The following ST18 variants were observed in gnomAD, a reference collection of about 807,000 sequenced individuals.
ST18 encodes suppression of tumorigenicity 18 protein.
Under a neutral mutation model 110.0 loss-of-function variants are expected in ST18, and 50 were observed. The observed-to-expected ratio is 0.45, with a 90% CI of 0.36 to 0.58. The LOEUF is 0.58. Ranked by LOEUF, ST18 falls within the 20% of genes least tolerant of loss-of-function variation. The pLI, the probability that ST18 is intolerant of heterozygous loss-of-function variation, is 0.00. For synonymous variants in ST18, 461 were observed against 452.4 expected (o/e 1.02, Z -0.24); for missense variants, 1,306 against 1,280.1 (o/e 1.02, Z -0.31).
intron 24 of ST18, among the ~76,000 whole-genome samples, chr8:52,117,028 T>G (rs1185967000): frequency 6.6e-6 from 1 of 152,214 alleles, no homozygotes; most frequent in Non-Finnish European, 1.5e-5. Context: ...ATTATGTTAC[T>G]CGTTAGCTCA....
intron 24 of ST18, among the ~76,000 whole-genome samples, 200 bp from the exon 25 acceptor site, chr8:52,116,618 G>A (rs766207986): frequency 5.3e-5 from 8 of 152,166 alleles, no homozygotes; most frequent in Non-Finnish European, 5.9e-5. Context: ...TTCATCTTCA[G>A]CCCAGACTTC....
intron 2 of ST18, among the ~76,000 whole-genome samples, chr8:52,379,546 T>G (rs1415124997): frequency 6.6e-6 from 1 of 152,056 alleles, no homozygotes; most frequent in East Asian, 1.9e-4. Context: ...TACACAATTT[T>G]GGGGACTTTT....
chr8:52,157,304 C>T (rs770965898), intron 15 of ST18, among the ~76,000 whole-genome samples: 3 of 152,036 alleles, frequency 2.0e-5, no homozygotes, highest in Non-Finnish European at 4.4e-5. Context: ...GGAACAGGAA[C>T]ACATCTACAG....
intron 2 of ST18, among the ~76,000 whole-genome samples, chr8:52,383,701 C>T (rs1835486687): frequency 6.6e-6 from 1 of 152,182 alleles, no homozygotes; most frequent in Non-Finnish European, 1.5e-5. Context: ...CCCGCCTTGG[C>T]TTCCCAAAGT....
rs561017863 is a variant in ST18, at chr8:52,259,001, T to C, written c.-464-28924A>G. 2.7e-4 allele frequency among the ~76,000 whole-genome samples: 41 copies of C among 152,292 alleles called. 3 individuals carry two copies. The South Asian group carries it at 8.5e-3, about 32-fold the overall frequency. ...ATTTACAAGCCTCTTGTGTGAGACCTGTCATGGTGCTGGCCAGACCTCATC... is the reference window on the plus strand; with the variant it reads ...ATTTACAAGCCTCTTGTGTGAGACCCGTCATGGTGCTGGCCAGACCTCATC... On this transcript the variant is annotated intron_variant, in intron 2 of 25. Transcript: ENST00000689386.
intron 2 of ST18, among the ~76,000 whole-genome samples, chr8:52,290,197 C>T (rs545346398): frequency 2.2e-4 from 33 of 152,288 alleles, no homozygotes; most frequent in Non-Finnish European, 3.7e-4. Context: ...CATGTGACCA[C>T]CCTTCATCTT....
At chr8:52,268,468 CATCT>C (rs55683613) in intron 2 of ST18, among the ~76,000 whole-genome samples, 15,933 of 148,638 alleles carry the variant, frequency 0.11, 822 homozygotes, top group East Asian at 0.12. Context: ...ATCTATCTAT[CATCT>C]ATCTATCTAT....
intron 16 of ST18, among the ~76,000 whole-genome samples, chr8:52,148,310 G>A (rs1248724190): frequency 2.6e-5 from 4 of 152,118 alleles, no homozygotes; most frequent in African/African-American, 9.7e-5. Context: ...AATGACTAAG[G>A]CCAGTATGAC....
intron 2 of ST18, among the ~76,000 whole-genome samples, chr8:52,396,531 T>TAAAG (rs202164926): frequency 0.013 from 1,911 of 152,300 alleles, 24 homozygotes; most frequent in Middle Eastern, 0.051. Flanking sequence ...GGATAATTTA[T>TAAAG]AAAGAAAAGA....
chr8:52,325,028 T>C (rs1805658826), intron 2 of ST18, among the ~76,000 whole-genome samples: 2 of 152,208 alleles, frequency 1.3e-5, no homozygotes, highest in African/African-American at 4.8e-5. Flanking sequence ...TTTTCAGCAA[T>C]GAAGGACCAA....
chr8:52,386,633 G>T (rs1313797700), intron 2 of ST18, among the ~76,000 whole-genome samples: 1 of 152,082 alleles, frequency 6.6e-6, no homozygotes, highest in Non-Finnish European at 1.5e-5. Context: ...TTTGTGAATA[G>T]ATATTTTTGT....
intron 2 of ST18, among the ~76,000 whole-genome samples, chr8:52,369,240 C>G (rs10113051): frequency 0.79 from 120,169 of 152,102 alleles, 50,629 homozygotes; most frequent in Non-Finnish European, 0.93. Flanking sequence ...AAATTTTAAC[C>G]AGGCAAATGG....
At chr8:52,368,197 C>A (rs1590318036) in intron 2 of ST18, among the ~76,000 whole-genome samples, 1 of 152,006 alleles carries the variant, frequency 6.6e-6, no homozygotes, top group Admixed American at 6.5e-5. Flanking sequence ...ATTAAGCATC[C>A]CTAACACCCA....
At position 52,142,288 on chromosome 8, in the gene ST18, T is replaced by C. The variant is rs116454005; in HGVS notation, c.2168+642A>G. 3.2e-3 allele frequency among the ~76,000 whole-genome samples: 487 copies of C among 151,382 alleles called. 1 individual carries two copies. The highest frequency in any genetic ancestry group is 0.011 in the African/African-American group (455 of 41,296). ...GCTGGGTCAGGAGAGGTTTTTACAG[T>C]TTTTTTTTGGAAAAGTTTAAACATA... On this transcript the variant is annotated intron_variant, in intron 17 of 25. Transcript: ENST00000689386.
At chr8:52,359,928 C>T (rs1308275480) in intron 2 of ST18, among the ~76,000 whole-genome samples, 1 of 152,138 alleles carries the variant, frequency 6.6e-6, no homozygotes, top group Non-Finnish European at 1.5e-5. Flanking sequence ...ATTTGCCTTG[C>T]ATCCATTTGA....
At chr8:52,136,567 C>T (rs747838308) in intron 19 of ST18, 23 bp downstream of exon 19, 1 of 1,601,014 alleles carries the variant, frequency 6.2e-7, no homozygotes, top group South Asian at 1.1e-5. Context: ...GAAGGGCAAG[C>T]CGGCCACGCT....
chr8:52,235,320 C>T (rs941351260), intron 2 of ST18, among the ~76,000 whole-genome samples: 2 of 152,146 alleles, frequency 1.3e-5, no homozygotes, highest in Non-Finnish European at 2.9e-5. Flanking sequence ...CACGCCTGCT[C>T]CTATGGTAGC....
intron 14 of ST18, 142 bp downstream of exon 14, chr8:52,161,233 A>G (rs1347273218): frequency 1.3e-6 from 1 of 748,938 alleles, no homozygotes; most frequent in Non-Finnish European, 2.1e-6. Context: ...TCTTTATGGT[A>G]TTTCACTTGA....
At chr8:52,166,830 T>A (rs199647912) in intron 11 of ST18, 22 bp downstream of exon 11, 1 of 1,543,024 alleles carries the variant, frequency 6.5e-7, no homozygotes, top group Non-Finnish European at 8.8e-7. Flanking sequence ...AGCAGAAGCT[T>A]TGAGGGACAA....
Sources: allele counts gnomAD v4.1 joint callset (sites outside exome capture counted in the v4.1 genomes callset), GRCh38; gene constraint gnomAD v4.1.1; transcripts MANE v1.5; gene names NCBI Gene and HGNC (gene_info 2026-07-23, HGNC 2026-07-21).